EEF1AKMT1: variants seen among roughly 807,000 people sequenced by gnomAD.
The protein encoded by EEF1AKMT1 is EEF1A lysine methyltransferase 1.
EEF1AKMT1 carries 18 observed loss-of-function variants against 21.0 expected under a neutral mutation model. The observed-to-expected ratio is 0.86, with a 90% CI of 0.59 to 1.27. EEF1AKMT1 has a LOEUF of 1.27. Among genes scored for constraint, EEF1AKMT1 ranks in the 50% most tolerant of loss-of-function variants. The pLI, the probability that EEF1AKMT1 is intolerant of heterozygous loss-of-function variation, is 0.00. For missense variants in EEF1AKMT1, 246 were observed against 258.6 expected (o/e 0.95, Z 0.33); for synonymous variants, 109 against 94.8 (o/e 1.15, Z -0.87).
intron 2 of EEF1AKMT1, among the ~76,000 whole-genome samples, chr13:20,746,119 G>T (rs561758648): frequency 6.6e-5 from 10 of 151,914 alleles, no homozygotes; most frequent in African/African-American, 2.2e-4. Context: ...ATACATGTGG[G>T]TATATGTATT....
chr13:20,745,834 C>T (rs1018020811), intron 2 of EEF1AKMT1, among the ~76,000 whole-genome samples: 9 of 151,456 alleles, frequency 5.9e-5, no homozygotes, highest in Middle Eastern at 3.4e-3. Flanking sequence ...GGTGACAGAG[C>T]GAGACTACAT....
chr13:20,734,612 G>A (rs867984771), intron 3 of EEF1AKMT1, among the ~76,000 whole-genome samples: 2 of 71,880 alleles, frequency 2.8e-5, no homozygotes, highest in African/African-American at 5.5e-5. Flanking sequence ...TTATTTATTT[G>A]AGACGGAGTC....
At chr13:20,753,882 C>T (rs989603613) in intron 2 of EEF1AKMT1, among the ~76,000 whole-genome samples, 15 of 152,060 alleles carry the variant, frequency 9.9e-5, no homozygotes, top group African/African-American at 3.6e-4. Context: ...TCTGTTCAGG[C>T]AGTCTCTATC....
intron 2 of EEF1AKMT1, among the ~76,000 whole-genome samples, chr13:20,738,627 C>A (rs944054): frequency 0.16 from 24,722 of 152,066 alleles, 2,410 homozygotes; most frequent in African/African-American, 0.27. Flanking sequence ...TGGTACACCC[C>A]TACAATGAAA....
rs779182481 is a variant in EEF1AKMT1, at chr13:20,731,922, G to A, written c.427C>T (p.Pro143Ser). The A allele has an allele frequency of 6.8e-6, 11 of 1,614,084 alleles. No homozygotes were observed. The highest frequency in any genetic ancestry group is 4.4e-5 in the South Asian group (4 of 91,088). The change falls in exon 4 of 5, where the codon CCC (proline) becomes TCC (serine). Residue 143 changes from proline to serine, a missense_variant. Transcript: ENST00000382758. Reference protein sequence around the residue: ...HSFDIVIADPPYLSEECLRKT... With the variant: ...HSFDIVIADPSYLSEECLRKT... ...CTGAGACATTCCTCCGAAAGATAGGGAGGATCTGCTATTACGATGTCAAAA... is the reference window on the plus strand; with the variant it reads ...CTGAGACATTCCTCCGAAAGATAGGAAGGATCTGCTATTACGATGTCAAAA...
intron 3 of EEF1AKMT1, among the ~76,000 whole-genome samples, chr13:20,733,094 C>CCT: frequency 7.9e-6 from 1 of 126,526 alleles, no homozygotes; most frequent in Non-Finnish European, 1.6e-5. Flanking sequence ...CTGTGATACA[C>CCT]TTTTTTTTTT....
chr13:20,729,355 G>A (rs1393439665), intron 4 of EEF1AKMT1, 139 bp from the exon 5 acceptor site: 1 of 926,560 alleles, frequency 1.1e-6, no homozygotes, highest in Non-Finnish European at 1.6e-6. Flanking sequence ...GGGAGCGAGT[G>A]TTCTTTACAT....
chr13:20,773,037 A>G (rs1157816800), intron 1 of EEF1AKMT1, among the ~76,000 whole-genome samples: 2 of 152,210 alleles, frequency 1.3e-5, no homozygotes, highest in African/African-American at 2.4e-5. Context: ...AAATTGCTGG[A>G]TGATTCTCCC....
intron 1 of EEF1AKMT1, among the ~76,000 whole-genome samples, chr13:20,773,211 G>A (rs564091531): frequency 2.0e-5 from 3 of 152,246 alleles, no homozygotes; most frequent in African/African-American, 7.2e-5. Context: ...ATGAAATGCA[G>A]GTCGTACGTG....
chr13:20,739,060 G>A (rs948865760), intron 2 of EEF1AKMT1, among the ~76,000 whole-genome samples: 1 of 152,048 alleles, frequency 6.6e-6, no homozygotes, highest in Admixed American at 6.6e-5. Flanking sequence ...CTTCCTCCTG[G>A]GGGGGTCGTG....
chr13:20,761,820 C>T (rs2059002739), intron 1 of EEF1AKMT1, among the ~76,000 whole-genome samples: 1 of 152,110 alleles, frequency 6.6e-6, no homozygotes, highest in South Asian at 2.1e-4. Context: ...ATTCATATAC[C>T]ATACAATTCA....
chr13:20,771,775 T>C (rs529738051), intron 1 of EEF1AKMT1, among the ~76,000 whole-genome samples: 22 of 152,200 alleles, frequency 1.4e-4, no homozygotes, highest in African/African-American at 4.8e-4. Context: ...CTTTGGGAGA[T>C]CGAGGCGGGC....
intron 2 of EEF1AKMT1, among the ~76,000 whole-genome samples, chr13:20,754,366 TC>T (rs2058959880): frequency 6.6e-6 from 1 of 152,162 alleles, no homozygotes; most frequent in Non-Finnish European, 1.5e-5. Context: ...TGATGAAGTT[TC>T]CCTTTTAAGT....
chr13:20,761,414 T>C (rs1426825819), intron 1 of EEF1AKMT1, among the ~76,000 whole-genome samples: 2 of 152,224 alleles, frequency 1.3e-5, no homozygotes, highest in Non-Finnish European at 2.9e-5. Flanking sequence ...GTTTATTCCT[T>C]TTTATTGCTG....
intron 2 of EEF1AKMT1, 166 bp downstream of exon 2, chr13:20,757,289 A>G (rs2058976524): frequency 1.5e-6 from 1 of 671,442 alleles, no homozygotes; most frequent in African/African-American, 1.8e-5. Flanking sequence ...CTGTTCTAAA[A>G]TGTTCACTGA....
intron 2 of EEF1AKMT1, among the ~76,000 whole-genome samples, chr13:20,744,163 C>T (rs2058889444): frequency 6.6e-6 from 1 of 152,148 alleles, no homozygotes; most frequent in Admixed American, 6.5e-5. Context: ...CATATGTGTG[C>T]ATGTGTCTTT....
intron 1 of EEF1AKMT1, chr13:20,769,134 C>T (rs1229347931): frequency 6.6e-6 from 1 of 152,146 alleles, no homozygotes; most frequent in Non-Finnish European, 1.5e-5. Flanking sequence ...CGAGAGAGGG[C>T]TTAAAAGGAT....
intron 2 of EEF1AKMT1, among the ~76,000 whole-genome samples, chr13:20,739,453 A>G (rs1027589718): frequency 6.6e-6 from 1 of 152,188 alleles, no homozygotes; most frequent in South Asian, 2.1e-4. Flanking sequence ...TCTGTTTTAC[A>G]GAGAGCTGAT....
At chr13:20,739,031 T>C (rs536499988) in intron 2 of EEF1AKMT1, among the ~76,000 whole-genome samples, 10 of 152,258 alleles carry the variant, frequency 6.6e-5, no homozygotes, top group African/African-American at 2.4e-4. Context: ...CTTCTGATGT[T>C]CAGACGTATT....
Sources: allele counts gnomAD v4.1 joint callset (sites outside exome capture counted in the v4.1 genomes callset), GRCh38; gene constraint gnomAD v4.1.1; transcripts MANE v1.5; gene names NCBI Gene and HGNC (gene_info 2026-07-23, HGNC 2026-07-21).